ANKS1B: variants seen among roughly 807,000 people sequenced by gnomAD.
The protein encoded by ANKS1B is ankyrin repeat and sterile alpha motif domain-containing protein 1B.
A neutral mutation model predicts 148.3 loss-of-function variants in ANKS1B; 36 were observed. The ratio of observed to expected loss-of-function variants is 0.24; its 90% CI spans 0.19 to 0.32. The LOEUF is 0.32. ANKS1B is among the 10% of genes least tolerant of loss of function. The probability of loss-of-function intolerance (pLI) is 1.00; values close to 1 mark genes in which losing one functional copy is unlikely to be tolerated. For missense variants in ANKS1B, 1,157 were observed against 1,542.6 expected, an observed-to-expected ratio of 0.75 and a Z score of 4.19; for synonymous variants, 542 against 560.8, an observed-to-expected ratio of 0.97 and a Z score of 0.47.
intron 12 of ANKS1B, among the ~76,000 whole-genome samples, chr12:99,337,133 C>A (rs1481321238): frequency 1.3e-5 from 2 of 152,034 alleles, no homozygotes; most frequent in Admixed American, 1.3e-4. Context: ...AGACCAATAA[C>A]CATTAGATTT....
At chr12:99,953,406 T>C (rs556721190) in intron 1 of ANKS1B, among the ~76,000 whole-genome samples, 1 of 152,308 alleles carries the variant, frequency 6.6e-6, no homozygotes, top group Non-Finnish European at 1.5e-5. Flanking sequence ...AGAGAGTTGT[T>C]TCAATAGCAT....
At chr12:99,810,451 T>C (rs1021763941) in intron 3 of ANKS1B, among the ~76,000 whole-genome samples, 2 of 151,726 alleles carry the variant, frequency 1.3e-5, no homozygotes, top group African/African-American at 4.8e-5. Flanking sequence ...AAATCCTACA[T>C]CAAAAAATTT....
intron 9 of ANKS1B, among the ~76,000 whole-genome samples, chr12:99,637,180 C>T (rs958389318): frequency 1.7e-4 from 26 of 152,206 alleles, no homozygotes; most frequent in African/African-American, 6.0e-4. Flanking sequence ...GGCATGTTGG[C>T]ACATGCCTGT....
chr12:99,565,413 G>A (rs996852625), intron 9 of ANKS1B, among the ~76,000 whole-genome samples: 1 of 152,152 alleles, frequency 6.6e-6, no homozygotes, highest in Non-Finnish European at 1.5e-5. Context: ...ATAATGGTAG[G>A]ATAGGCACAG....
chr12:99,366,088 C>G (rs2092750385), intron 12 of ANKS1B, among the ~76,000 whole-genome samples: 1 of 152,166 alleles, frequency 6.6e-6, no homozygotes, highest in African/African-American at 2.4e-5. Context: ...GGGGCAGCCC[C>G]CTCTGGACTG....
intron 25 of ANKS1B, among the ~76,000 whole-genome samples, chr12:98,770,845 T>A (rs1465489201): frequency 1.3e-5 from 2 of 152,194 alleles, no homozygotes; most frequent in Non-Finnish European, 2.9e-5. Flanking sequence ...GACATTGAAC[T>A]GGGGGCTGGC....
intron 12 of ANKS1B, among the ~76,000 whole-genome samples, chr12:99,316,919 A>C (rs1351237930): frequency 6.6e-6 from 1 of 152,200 alleles, no homozygotes; most frequent in Admixed American, 6.5e-5. Context: ...CCATTTATTA[A>C]ATAGGGAATC....
intron 26 of ANKS1B, among the ~76,000 whole-genome samples, chr12:98,749,230 C>T (rs1231426072): frequency 6.6e-6 from 1 of 151,980 alleles, no homozygotes; most frequent in African/African-American, 2.4e-5. Flanking sequence ...TCCCTAGTAG[C>T]TGGGACTACA....
intron 1 of ANKS1B, among the ~76,000 whole-genome samples, chr12:99,954,182 A>T (rs2095277001): frequency 6.6e-6 from 1 of 152,244 alleles, no homozygotes; most frequent in Admixed American, 6.5e-5. Flanking sequence ...TCCAAAAATT[A>T]ACAAAACCTG....
chr12:99,314,357 G>A (rs1190106692), intron 12 of ANKS1B, among the ~76,000 whole-genome samples: 2 of 152,150 alleles, frequency 1.3e-5, no homozygotes, highest in African/African-American at 4.8e-5. Flanking sequence ...CTAATTTATA[G>A]ATTCAATGCC....
At chr12:98,860,798 G>A (rs976003555) in intron 17 of ANKS1B, among the ~76,000 whole-genome samples, 3 of 152,138 alleles carry the variant, frequency 2.0e-5, no homozygotes, top group Non-Finnish European at 2.9e-5. Flanking sequence ...CAGGTTGACA[G>A]GTGCAGCAAA....
In ANKS1B at chr12:99,315,604, T is replaced by C. The variant is rs145146992; in HGVS notation, c.1757-68740A>G. ...TATAATTCACATAACATAAAATTCA[T>C]CCTTTTAAAGTATGCCATTTGGTGA... On this transcript the variant is annotated intron_variant, in intron 12 of 26. Coordinates refer to ENST00000683438, the MANE Select transcript of ANKS1B (RefSeq NM_001352186.2). Among the ~76,000 whole-genome samples, 401 of 152,302 alleles carry C rather than the reference T, an allele frequency of 2.6e-3. 10 individuals are homozygous for C. In the East Asian group the frequency reaches 0.046, roughly 17 times the overall value.
At chr12:99,362,358 C>T (rs73372047) in intron 12 of ANKS1B, among the ~76,000 whole-genome samples, 86 of 151,970 alleles carry the variant, frequency 5.7e-4, no homozygotes, top group African/African-American at 1.8e-3. Flanking sequence ...AAAGATCCTA[C>T]GAGAGGGGTT....
chr12:99,424,006 G>C (rs1327059969), intron 11 of ANKS1B, among the ~76,000 whole-genome samples: 4 of 151,902 alleles, frequency 2.6e-5, no homozygotes, highest in Admixed American at 6.6e-5. Context: ...TTTTTAAAAA[G>C]ATTATGAATT....
intron 8 of ANKS1B, among the ~76,000 whole-genome samples, chr12:99,753,918 G>A (rs546056436): frequency 6.6e-6 from 1 of 152,164 alleles, no homozygotes; most frequent in South Asian, 2.1e-4. Context: ...AGCAACTCAG[G>A]AGGTTGAGGC....
intron 17 of ANKS1B, among the ~76,000 whole-genome samples, chr12:98,980,907 T>C (rs1447555459): frequency 6.6e-6 from 1 of 152,162 alleles, no homozygotes; most frequent in Admixed American, 6.5e-5. Flanking sequence ...GGGGCAATTG[T>C]AGAAATCACT....
At chr12:99,984,005 C>G in intron 1 of ANKS1B, 99 bp downstream of exon 1, 1 of 1,081,024 alleles carries the variant, frequency 9.3e-7, no homozygotes, top group Non-Finnish European at 1.3e-6. Context: ...GAATGAATCG[C>G]TGGCAGCCAC....
intron 9 of ANKS1B, among the ~76,000 whole-genome samples, chr12:99,552,351 T>C (rs552211532): frequency 6.6e-6 from 1 of 152,234 alleles, no homozygotes; most frequent in Non-Finnish European, 1.5e-5. Context: ...ATTTGTTGGC[T>C]TAATGACCAA....
chr12:99,677,470 T>C (rs2098583982), intron 8 of ANKS1B, among the ~76,000 whole-genome samples: 2 of 152,314 alleles, frequency 1.3e-5, no homozygotes, highest in South Asian at 4.1e-4. Flanking sequence ...ACTGCACAAG[T>C]GGGAAACAAT....
Sources: gnomAD v4.1 joint callset for allele counts (sites outside exome capture counted in the v4.1 genomes callset) on GRCh38, gnomAD v4.1.1 for gene constraint, MANE v1.5 for transcripts, NCBI Gene and HGNC (gene_info 2026-07-23, HGNC 2026-07-21) for gene names.